KCNS1: variants seen among roughly 807,000 people sequenced by gnomAD.
The protein encoded by KCNS1 is potassium voltage-gated channel modifier subfamily S member 1.
A neutral mutation model predicts 33.1 loss-of-function variants in KCNS1; 26 were observed. The ratio of observed to expected loss-of-function variants is 0.79; its 90% CI spans 0.58 to 1.09. KCNS1 has a LOEUF of 1.09. KCNS1 is among the 50% of genes least tolerant of loss of function. KCNS1 has a pLI of 0.00. For synonymous variants in KCNS1, 299 were observed against 338.8 expected, an observed-to-expected ratio of 0.88 and a Z score of 1.29; for missense variants, 702 against 752.4, an observed-to-expected ratio of 0.93 and a Z score of 0.78.
chr20:45,098,278 T>C lies in KCNS1; in HGVS notation c.494A>G (p.His165Arg), dbSNP rs1981271147. The C allele has an allele frequency of 6.3e-7, 1 of 1,585,024 alleles. No individual in the cohort carries two copies. The highest frequency in any genetic ancestry group is 8.6e-7 in the Non-Finnish European group (1 of 1,168,214). Residue 165 changes from histidine to arginine, a missense_variant, in exon 3 of 4, where the codon CAC (histidine) becomes CGC (arginine). His to Arg is a conservative substitution (Grantham distance 29). Around this residue, in one of 3 missense-constraint regions of KCNS1, gnomAD observed 374 missense variants for 352.3 expected, o/e 1.06. Transcript: ENST00000537075. The surrounding 1 kb of genome is among the most constrained non-coding windows in gnomAD (Gnocchi z 5.2). ...RYLERRLTQP[H>R]AWDEDSDTPS... Reference sequence around the variant, plus strand: ...CGTGTCGCTGTCCTCGTCCCAGGCGTGCGGCTGGGTCAGCCGCCTCTCCAG... The same window carrying C: ...CGTGTCGCTGTCCTCGTCCCAGGCGCGCGGCTGGGTCAGCCGCCTCTCCAG...
chr20:45,092,698 T>G lies in KCNS1; in HGVS notation c.*2172A>C, dbSNP rs1981035686. The G allele has an allele frequency of 6.6e-6, 1 of 152,040 alleles. No individual in the cohort carries two copies. Among genetic ancestry groups the G allele is most frequent in the Admixed American group, 6.6e-5 (1 of 15,262 alleles). The allele number at this position is 152,040 out of a possible 1,614,324, so 9.4% of individuals were successfully genotyped here. On this transcript the variant is annotated 3_prime_UTR_variant, in exon 4 of 4. Coordinates refer to ENST00000537075, the MANE Select transcript of KCNS1 (RefSeq NM_001322799.2). ...TGGAGACCCAGAATCCATGCGTATGTAGGGGGCCCACTATGTACTAGGCCC... is the reference window on the plus strand; with the variant it reads ...TGGAGACCCAGAATCCATGCGTATGGAGGGGGCCCACTATGTACTAGGCCC...
At chr20:45,100,648 A>C (rs1316282836) in intron 1 of KCNS1, among the ~76,000 whole-genome samples, 1 of 152,116 alleles carries the variant, frequency 6.6e-6, no homozygotes, top group Non-Finnish European at 1.5e-5. Flanking sequence ...CCTATCTGCT[A>C]GTCACTCCTC....
intron 3 of KCNS1, among the ~76,000 whole-genome samples, chr20:45,096,560 T>G (rs1191183536): frequency 6.6e-6 from 1 of 152,182 alleles, no homozygotes; most frequent in Non-Finnish European, 1.5e-5. Context: ...GGAAGGGATC[T>G]TTCTTTTAGC....
In KCNS1 at chr20:45,094,779, G is replaced by T; in HGVS notation, c.*91C>A. 1 of 1,029,026 alleles carries T rather than the reference G, an allele frequency of 9.7e-7. No individual in the cohort carries two copies. The allele number at this position is 1,029,026 out of a possible 1,614,324, so 63.7% of individuals were successfully genotyped here. A position where few individuals can be genotyped will look rare whatever the true frequency, so the allele number is the denominator to read the frequency against. On this transcript the variant is annotated 3_prime_UTR_variant, in exon 4 of 4. Coordinates refer to ENST00000537075, the MANE Select transcript of KCNS1 (RefSeq NM_001322799.2). Reference sequence around the variant, plus strand: ...AATCTCATTTCTCAGGACAGCATGAGTGATCCTGGGAGGCTCACTACCATG... The same window carrying T: ...AATCTCATTTCTCAGGACAGCATGATTGATCCTGGGAGGCTCACTACCATG...
rs914879703 is a variant in KCNS1 at position 45,093,937 on chromosome 20, C to G, written c.*933G>C. 2 of 152,234 alleles carry G rather than the reference C, an allele frequency of 1.3e-5. No individual in the cohort carries two copies. The highest frequency in any genetic ancestry group is 2.9e-5 in the Non-Finnish European group (2 of 68,118). The allele number at this position is 152,234 out of a possible 1,614,324, so 9.4% of individuals were successfully genotyped here. On this transcript the variant is annotated 3_prime_UTR_variant, in exon 4 of 4. Coordinates refer to ENST00000537075, the MANE Select transcript of KCNS1 (RefSeq NM_001322799.2). ...TGCTCTCCTTGGCTTTCATTGCCCT[C>G]TGGGTCACAGATTCTGACCATTTGA...
Position 45,094,798 on chromosome 20 carries a change from T to C in KCNS1, c.*72A>G. On this transcript the variant is annotated 3_prime_UTR_variant, in exon 4 of 4. Coordinates refer to ENST00000537075, the MANE Select transcript of KCNS1 (RefSeq NM_001322799.2). ...GCATGAGTGATCCTGGGAGGCTCAC[T>C]ACCATGAAGAACTTTAGCAGGGGAG... The C allele has an allele frequency of 7.9e-7, 1 of 1,260,832 alleles. No homozygotes were observed. The highest frequency in any genetic ancestry group is 1.4e-5 in the South Asian group (1 of 72,386). The allele number at this position is 1,260,832 out of a possible 1,614,324, so 78.1% of individuals were successfully genotyped here.
At position 45,098,670 on chromosome 20, in the gene KCNS1, G is replaced by T. The variant is rs751752353; in HGVS notation, c.102C>A (p.Ser34Arg). The T allele has an allele frequency of 1.4e-6, 2 of 1,447,252 alleles. No homozygotes were observed. The highest frequency in any genetic ancestry group is 1.8e-6 in the Non-Finnish European group (2 of 1,103,888). The allele number at this position is 1,447,252 out of a possible 1,614,324, so 89.7% of individuals were successfully genotyped here. The change falls in exon 3 of 4, where the codon AGC (serine) becomes AGA (arginine). Residue 34 changes from serine to arginine, a missense_variant. Ser to Arg is a moderately radical substitution (Grantham distance 110, BLOSUM62 -1). Coordinates refer to ENST00000537075, the MANE Select transcript of KCNS1 (RefSeq NM_001322799.2). The surrounding 1 kb of genome is among the most constrained non-coding windows in gnomAD (Gnocchi z 5.2). ...TCCCGGTGTCGGGGCCCGGGAACTC[G>T]CTCACAAAGGTTTCAGTGCTCCTCC... ...LGGRSTETFV[S>R]EFPGPDTGIR... is the part of the protein sequence containing the mutation.
rs765123903 is a variant in KCNS1 at position 45,095,179 on chromosome 20, A to G, written c.1272T>C (p.Tyr424=). 20 of 1,614,080 alleles carry G rather than the reference A, an allele frequency of 1.2e-5. No individual in the cohort carries two copies. The highest frequency in any genetic ancestry group is 1.7e-5 in the Admixed American group (1 of 60,016). The change falls in exon 4 of 4, where the codon TAT becomes TAC. Residue 424 remains tyrosine (Y), a synonymous_variant. Transcript: ENST00000537075. ...CCACCGTCACTGGCACCACATCCCC[A>G]TAGCCCACGGTGGTCATGCTCACTG... ...WGTVSMTTVG[Y]GDVVPVTVAG... is the part of the protein sequence containing the mutation.
intron 3 of KCNS1, among the ~76,000 whole-genome samples, chr20:45,096,626 G>T (rs1316778268): frequency 6.6e-6 from 1 of 152,158 alleles, no homozygotes; most frequent in African/African-American, 2.4e-5. Flanking sequence ...AGAACATGAG[G>T]TGCTGGAGCC....
rs972885994 is a variant in KCNS1 at position 45,093,530 on chromosome 20, G to C, written c.*1340C>G. ...AATGTCTTCCATCTTGAGGCTCAGG[G>C]TGATGGGACAGAGATAGCCACAGTC... On this transcript the variant is annotated 3_prime_UTR_variant, in exon 4 of 4. Transcript: ENST00000537075. 1 of 152,244 alleles carries C rather than the reference G, an allele frequency of 6.6e-6. No individual in the cohort carries two copies. The allele number at this position is 152,244 out of a possible 1,614,324, so 9.4% of individuals were successfully genotyped here.
chr20:45,098,699 C>T lies in KCNS1; in HGVS notation c.77-4G>A. Reference sequence around the variant, plus strand: ...ACAAAGGTTTCAGTGCTCCTCCCTGCGGACACCAGAAGGGCGCGCTGAGGA... The same window carrying T: ...ACAAAGGTTTCAGTGCTCCTCCCTGTGGACACCAGAAGGGCGCGCTGAGGA... On this transcript the variant is annotated splice_polypyrimidine_tract_variant and splice_region_variant and intron_variant, in intron 2 of 3. Coordinates refer to ENST00000537075, the MANE Select transcript of KCNS1 (RefSeq NM_001322799.2). The surrounding 1 kb of genome is among the most constrained non-coding windows in gnomAD (Gnocchi z 5.2). 3 of 1,405,678 alleles carry T rather than the reference C, an allele frequency of 2.1e-6. No individual in the cohort carries two copies. Among genetic ancestry groups the T allele is most frequent in the East Asian group, 2.8e-5 (1 of 35,928 alleles). 87.1% of individuals were successfully genotyped at this position (1,405,678 alleles called of 1,614,324 possible).
In KCNS1 at chr20:45,093,990, GC is replaced by G. The variant is rs1039498626; in HGVS notation, c.*879del. 6.6e-6 allele frequency: 1 copy of G among 152,314 alleles called. No individual in the cohort carries two copies. Among genetic ancestry groups the G allele is most frequent in the Non-Finnish European group, 1.5e-5 (1 of 68,126 alleles). The allele number at this position is 152,314 out of a possible 1,614,324, so 9.4% of individuals were successfully genotyped here. ...GAGGGGCTGGAATCTGGACTTGGGGGCAGGGATTGGACCACTTTACACAGCA... is the reference window on the plus strand; with the variant it reads ...GAGGGGCTGGAATCTGGACTTGGGGGAGGGATTGGACCACTTTACACAGCA... On this transcript the variant is annotated 3_prime_UTR_variant, in exon 4 of 4. Coordinates refer to ENST00000537075, the MANE Select transcript of KCNS1 (RefSeq NM_001322799.2).
At position 45,098,637 on chromosome 20, in the gene KCNS1, C is replaced by T; in HGVS notation, c.135G>A (p.Trp45Ter). 2 of 1,473,554 alleles carry T rather than the reference C, an allele frequency of 1.4e-6. No homozygotes were observed. The highest frequency in any genetic ancestry group is 1.8e-6 in the Non-Finnish European group (2 of 1,113,600). 91.3% of individuals were successfully genotyped at this position (1,473,554 alleles called of 1,614,324 possible). ...EFPGPDTGIR[W>*]RRSDEALRVN... Reference sequence around the variant, plus strand: ...CGCGCAGCGCCTCGTCGCTTCGCCGCCAGCGGATCCCGGTGTCGGGGCCCG... The same window carrying T: ...CGCGCAGCGCCTCGTCGCTTCGCCGTCAGCGGATCCCGGTGTCGGGGCCCG... Residue 45 changes from tryptophan (W) to a stop codon, truncating the protein, a stop_gained, in exon 3 of 4, where the codon TGG (tryptophan) becomes TGA (stop). Transcript: ENST00000537075. LOFTEE classifies it high-confidence loss of function. This position sits in a 1 kb window ranked among gnomAD's most constrained non-coding sequence, Gnocchi z 5.2.
At position 45,098,150 on chromosome 20, in the gene KCNS1, G is replaced by T. The variant is rs368484022; in HGVS notation, c.622C>A (p.Leu208Met). 5 of 1,604,128 alleles carry T rather than the reference G, an allele frequency of 3.1e-6. No individual in the cohort carries two copies. Reference protein sequence around the residue: ...RCGRLRRRLWLTMENPGYSLP... With the variant: ...RCGRLRRRLWMTMENPGYSLP... ...GAGTAGCCCGGGTTCTCCATGGTCA[G>T]CCAGAGGCGGCGGCGCAGGCGGCCA... Residue 208 changes from leucine to methionine, a missense_variant, in exon 3 of 4, where the codon CTG becomes ATG. Transcript: ENST00000537075. The surrounding 1 kb of genome is among the most constrained non-coding windows in gnomAD (Gnocchi z 5.2).
rs1280468775 is a variant in KCNS1, at chr20:45,091,567, A to G, written c.*3303T>C. On this transcript the variant is annotated 3_prime_UTR_variant, in exon 4 of 4. Coordinates refer to ENST00000537075, the MANE Select transcript of KCNS1 (RefSeq NM_001322799.2). ...CTGTAGTGGGCCAGATGGTGGCCCC[A>G]AACACCTGTCCATATTTTAATCTCT... Among the ~76,000 whole-genome samples the G allele has an allele frequency of 6.6e-6, 1 of 152,222 alleles. No individual in the cohort carries two copies. The highest frequency in any genetic ancestry group is 2.4e-5 in the African/African-American group (1 of 41,460).
At position 45,098,112 on chromosome 20, in the gene KCNS1, C is replaced by G. The variant is rs1297463773; in HGVS notation, c.660G>C (p.Lys220Asn). 1.3e-6 allele frequency: 2 copies of G among 1,593,306 alleles called. No individual in the cohort carries two copies. The highest frequency in any genetic ancestry group is 2.7e-5 in the African/African-American group (2 of 74,402). ...CGCTGATGGAGACGCAGCTGAAGAG[C>G]TTGCTCGGCAGCGAGTAGCCCGGGT... ...MENPGYSLPS[K>N]LFSCVSISVV... is the part of the protein sequence containing the mutation. Residue 220 changes from lysine (K) to asparagine (N), a missense_variant, in exon 3 of 4, where the codon AAG becomes AAC. Coordinates refer to ENST00000537075, the MANE Select transcript of KCNS1 (RefSeq NM_001322799.2). This position sits in a 1 kb window ranked among gnomAD's most constrained non-coding sequence, Gnocchi z 5.2.
chr20:45,098,358 G>A lies in KCNS1; in HGVS notation c.414C>T (p.Ala138=), dbSNP rs1040376123. The A allele has an allele frequency of 6.3e-7, 1 of 1,575,942 alleles. No homozygotes were observed. Among genetic ancestry groups the A allele is most frequent in the East Asian group, 2.4e-5 (1 of 42,336 alleles). The stretch of plus-strand genomic sequence containing the variant: ...CGTTCTCGCCTAGGCCCCAGTAGTC[G>A]GCCTCCTGGCCAAAGGCGAAGACGC... ...ELCVFAFGQE[A]DYWGLGENAL... is the part of the protein sequence containing the mutation. The change falls in exon 3 of 4, where the codon GCC becomes GCT. Residue 138 remains alanine (A), a synonymous_variant. Coordinates refer to ENST00000537075, the MANE Select transcript of KCNS1 (RefSeq NM_001322799.2). This position sits in a 1 kb window ranked among gnomAD's most constrained non-coding sequence, Gnocchi z 5.2.
chr20:45,097,719 G>C lies in KCNS1; in HGVS notation c.1053C>G (p.Arg351=). The C allele has an allele frequency of 6.2e-7, 1 of 1,611,754 alleles. No individual in the cohort carries two copies. The highest frequency in any genetic ancestry group is 8.5e-7 in the Non-Finnish European group (1 of 1,179,942). The change falls in exon 3 of 4, where the codon CGC becomes CGG. Residue 351 remains arginine, a synonymous_variant. Coordinates refer to ENST00000537075, the MANE Select transcript of KCNS1 (RefSeq NM_001322799.2). ...TGGAATGGCGCGCCAACTTGAGTAC[G>C]CGGAAGATGCGCATGAGGCGGAACA... The part of the protein sequence containing the change: ...VQVFRLMRIF[R]VLKLARHSTG...
rs1298968568 is a variant in KCNS1, at chr20:45,094,838, G to A, written c.*32C>T. The A allele has an allele frequency of 5.8e-6, 9 of 1,541,546 alleles. No homozygotes were observed. The highest frequency in any genetic ancestry group is 8.0e-6 in the Non-Finnish European group (9 of 1,127,734). ...TAGCAGGGGAGGAATCTCTACTGTA[G>A]GGGCATGGCAGGGGGTCACGGATCC... On this transcript the variant is annotated 3_prime_UTR_variant, in exon 4 of 4. Transcript: ENST00000537075.
Sources: allele counts gnomAD v4.1 joint callset (sites outside exome capture counted in the v4.1 genomes callset), GRCh38; gene constraint gnomAD v4.1.1; regional missense constraint gnomAD v4.1.1; non-coding constraint Gnocchi (gnomAD v3.1); transcripts MANE v1.5; gene names NCBI Gene and HGNC (gene_info 2026-07-23, HGNC 2026-07-21).